PTPN11: variants seen among roughly 807,000 people sequenced by gnomAD.
The protein encoded by PTPN11 is protein tyrosine phosphatase non-receptor type 11, also known as tyrosine-protein phosphatase non-receptor type 11.
A neutral mutation model predicts 78.8 loss-of-function variants in PTPN11; 6 were observed. That is an observed-to-expected ratio of 0.08 (90% CI 0.04 to 0.15). PTPN11 has a LOEUF of 0.15. Among genes scored for constraint, PTPN11 ranks in the 10% least tolerant of loss-of-function variants. The probability of loss-of-function intolerance (pLI) is 1.00; values close to 1 mark genes in which losing one functional copy is unlikely to be tolerated. For synonymous variants in PTPN11, 221 were observed against 263.5 expected, an observed-to-expected ratio of 0.84 and a Z score of 1.56; for missense variants, 386 against 744.8, an observed-to-expected ratio of 0.52 and a Z score of 5.61.
rs2038911981 is a variant in PTPN11, at chr12:112,504,521, T to C, written c.1713-174T>C. Reference sequence around the variant, plus strand: ...TTTCACTTCTGCCTCTGTAATTATATTGCTGTATGGCTATCTCTTCTCTCC... The same window carrying C: ...TTTCACTTCTGCCTCTGTAATTATACTGCTGTATGGCTATCTCTTCTCTCC... On this transcript the variant is annotated intron_variant, in intron 14 of 15. Transcript: ENST00000351677. The surrounding 1 kb of genome is among the most constrained non-coding windows in gnomAD (Gnocchi z 4.7). 6.6e-6 allele frequency among the ~76,000 whole-genome samples: 1 copy of C among 152,214 alleles called. No homozygotes were observed. Among genetic ancestry groups the C allele is most frequent in the Non-Finnish European group, 1.5e-5 (1 of 68,036 alleles).
chr12:112,438,177 C>T (rs2037823662), intron 1 of PTPN11, among the ~76,000 whole-genome samples: 1 of 152,270 alleles, frequency 6.6e-6, no homozygotes, highest in South Asian at 2.1e-4. Context: ...TCTTCTTTTG[C>T]ACAAAGGCTT....
intron 11 of PTPN11, among the ~76,000 whole-genome samples, chr12:112,487,495 A>G (rs1488172823): frequency 1.3e-5 from 2 of 151,996 alleles, no homozygotes; most frequent in Non-Finnish European, 2.9e-5. Context: ...TTTGCTTCAC[A>G]AGATTCCAGC....
intron 1 of PTPN11, among the ~76,000 whole-genome samples, chr12:112,441,191 C>T (rs565560928): frequency 1.3e-4 from 19 of 151,322 alleles, no homozygotes; most frequent in Admixed American, 5.9e-4. Context: ...CTTAAGCTCC[C>T]GACCTCAGGT....
In PTPN11 at chr12:112,423,610, A is replaced by G. The variant is rs570147101; in HGVS notation, c.14+4485A>G. Among the ~76,000 whole-genome samples the G allele has an allele frequency of 1.3e-4, 20 of 152,262 alleles. No individual in the cohort carries two copies. The South Asian group carries it at 3.5e-3, about 27-fold the overall frequency. ...TGAAATTTGAAATGTATTGGTATAG[A>G]ATATACTGTTTAGAATGTATGTGTA... On this transcript the variant is annotated intron_variant, in intron 1 of 15. Coordinates refer to ENST00000351677, the MANE Select transcript of PTPN11 (RefSeq NM_002834.5).
chr12:112,429,481 CTTTTTTTTTTTTTTTT>C (rs1177861343), intron 1 of PTPN11, among the ~76,000 whole-genome samples: 1 of 110,822 alleles, frequency 9.0e-6, no homozygotes, highest in Non-Finnish European at 1.8e-5. Context: ...GTTGAAACTA[CTTTTTTTTTTTTTTTT>C]TTTTTTTTTA....
intron 6 of PTPN11, among the ~76,000 whole-genome samples, chr12:112,470,511 A>T (rs2038398624): frequency 6.6e-6 from 1 of 152,214 alleles, no homozygotes; most frequent in African/African-American, 2.4e-5. Flanking sequence ...CTCAGAGACT[A>T]GAAGGCCTTG....
chr12:112,447,055 G>A (rs2038004271), intron 2 of PTPN11, among the ~76,000 whole-genome samples: 1 of 151,770 alleles, frequency 6.6e-6, no homozygotes, highest in African/African-American at 2.4e-5. Context: ...TTTTTGTAGA[G>A]ATGAGGTCTC....
chr12:112,424,885 G>GTGTA (rs1791657320), intron 1 of PTPN11, among the ~76,000 whole-genome samples: 1 of 137,794 alleles, frequency 7.3e-6, no homozygotes, highest in African/African-American at 2.9e-5. Flanking sequence ...GTGTGTGTGT[G>GTGTA]TGTGTATGTG....
At chr12:112,489,760 G>A (rs1301328328) in intron 13 of PTPN11, among the ~76,000 whole-genome samples, 1 of 152,098 alleles carries the variant, frequency 6.6e-6, no homozygotes, top group Admixed American at 6.6e-5. Context: ...CTCTTTTGGG[G>A]GCTGTGCTTC....
chr12:112,432,050 G>A (rs921103029), intron 1 of PTPN11, among the ~76,000 whole-genome samples: 1 of 152,058 alleles, frequency 6.6e-6, no homozygotes, highest in Admixed American at 6.6e-5. Flanking sequence ...AATGAGCAAC[G>A]ACAAACTGAC....
At chr12:112,453,058 G>A in intron 3 of PTPN11, 137 bp from the exon 4 acceptor site, 1 of 754,546 alleles carries the variant, frequency 1.3e-6, no homozygotes, top group Non-Finnish European at 2.2e-6. Flanking sequence ...TCTCAGGTGG[G>A]ATTGATCAAT....
At chr12:112,428,998 C>T (rs572476123) in intron 1 of PTPN11, among the ~76,000 whole-genome samples, 6 of 152,264 alleles carry the variant, frequency 3.9e-5, no homozygotes, top group East Asian at 1.9e-4. Flanking sequence ...CCGCCTGCCT[C>T]GGCCTCCCAA....
At chr12:112,455,652 A>G in intron 5 of PTPN11, among the ~76,000 whole-genome samples, 1 of 152,166 alleles carries the variant, frequency 6.6e-6, no homozygotes, top group East Asian at 1.9e-4. Context: ...CCTTTATGAT[A>G]GTGGAAAATG....
chr12:112,494,095 A>T (rs1305520971), intron 13 of PTPN11, among the ~76,000 whole-genome samples: 1 of 152,160 alleles, frequency 6.6e-6, no homozygotes, highest in Non-Finnish European at 1.5e-5. Context: ...TCTACCAAAA[A>T]TATAAAAAAT....
rs773403197 is a variant in PTPN11, at chr12:112,478,408, T to TA, written c.1092+405dup. On this transcript the variant is annotated intron_variant, in intron 9 of 15. Coordinates refer to ENST00000351677, the MANE Select transcript of PTPN11 (RefSeq NM_002834.5). ...GGCAATGTAGTAAGACCCCATCTCT[T>TA]AAAAAAAAAAAATGTACCCTGCACA... 1.9e-3 allele frequency among the ~76,000 whole-genome samples: 276 copies of TA among 145,624 alleles called. 3 individuals carry two copies. Among genetic ancestry groups the TA allele is most frequent in the East Asian group, 0.012 (58 of 5,016 alleles).
Position 112,446,287 on chromosome 12 carries a change from C to A in PTPN11, c.26C>A (p.Pro9Gln), listed in dbSNP as rs536503257. Residue 9 changes from proline to glutamine, a missense_variant, in exon 2 of 16, where the codon CCA becomes CAA. By Grantham distance (76) the Pro-to-Gln change is moderately conservative. Coordinates refer to ENST00000351677, the MANE Select transcript of PTPN11 (RefSeq NM_002834.5). Reference protein sequence around the residue: MTSRRWFHPNITGVEAENL... With the variant: MTSRRWFHQNITGVEAENL... ...TCTTTCTTTTTAAGATGGTTTCACC[C>A]AAATATCACTGGTGTGGAGGCAGAA... The A allele has an allele frequency of 6.2e-7, 1 of 1,613,982 alleles. No individual in the cohort carries two copies. The highest frequency in any genetic ancestry group is 1.1e-5 in the South Asian group (1 of 91,068).
In PTPN11 at chr12:112,446,300, T is replaced by C; in HGVS notation, c.39T>C (p.Gly13=). 6.2e-7 allele frequency: 1 copy of C among 1,614,126 alleles called. No homozygotes were observed. The highest frequency in any genetic ancestry group is 8.5e-7 in the Non-Finnish European group (1 of 1,179,978). The change falls in exon 2 of 16, where the codon GGT becomes GGC. Residue 13 remains glycine (G), a synonymous_variant. Transcript: ENST00000351677. ...SRRWFHPNIT[G]VEAENLLLTR... is the part of the protein sequence containing the mutation. ...GATGGTTTCACCCAAATATCACTGGTGTGGAGGCAGAAAACCTACTGTTGA... is the reference window on the plus strand; with the variant it reads ...GATGGTTTCACCCAAATATCACTGGCGTGGAGGCAGAAAACCTACTGTTGA...
At chr12:112,431,293 T>C (rs2037708518) in intron 1 of PTPN11, among the ~76,000 whole-genome samples, 1 of 152,142 alleles carries the variant, frequency 6.6e-6, no homozygotes, top group Non-Finnish European at 1.5e-5. Context: ...CTACTCGGGA[T>C]GCTGAGGTGG....
At position 112,485,589 on chromosome 12, in the gene PTPN11, G is replaced by A. The variant is rs12229892; in HGVS notation, c.1225-886G>A. Reference sequence around the variant, plus strand: ...AGGTTTAGAGATACCCAAGGGCCACGTGAGTGTGAGTGCCTGGAATTGGAG... The same window carrying A: ...AGGTTTAGAGATACCCAAGGGCCACATGAGTGTGAGTGCCTGGAATTGGAG... On this transcript the variant is annotated intron_variant, in intron 10 of 15. Coordinates refer to ENST00000351677, the MANE Select transcript of PTPN11 (RefSeq NM_002834.5). Among the ~76,000 whole-genome samples the A allele has an allele frequency of 0.02, 3,034 of 152,280 alleles. 645 individuals are homozygous for A. In the East Asian group the frequency reaches 0.49, roughly 24 times the overall value.
Sources: gnomAD v4.1 joint callset for allele counts (sites outside exome capture counted in the v4.1 genomes callset) on GRCh38, gnomAD v4.1.1 for gene constraint, Gnocchi (gnomAD v3.1) non-coding constraint, MANE v1.5 for transcripts, NCBI Gene and HGNC (gene_info 2026-07-23, HGNC 2026-07-21) for gene names.